The following UBR4 variants were observed in gnomAD, a reference collection of about 807,000 sequenced individuals.
UBR4 encodes the protein E3 ubiquitin-protein ligase UBR4.
A neutral mutation model predicts 575.6 loss-of-function variants in UBR4; 124 were observed. The ratio of observed to expected loss-of-function variants is 0.22; its 90% CI spans 0.19 to 0.25. The LOEUF (loss-of-function observed/expected upper bound fraction) is 0.25. Ranked by LOEUF, UBR4 falls within the 10% of genes least tolerant of loss-of-function variation. The pLI is 1.00. For synonymous variants in UBR4, 2,455 were observed against 2,473.7 expected (o/e 0.99, Z 0.22); for missense variants, 4,818 against 6,478.8 (o/e 0.74, Z 8.80).
intron 101 of UBR4, among the ~76,000 whole-genome samples, chr1:19,085,648 CACAAGGCATCA>C: frequency 6.6e-6 from 1 of 152,278 alleles, no homozygotes; most frequent in African/African-American, 2.4e-5. Context: ...GGCACCACTC[CACAAGGCATCA>C]GCAAGACATG....
At chr1:19,098,704 G>GC (rs1185022232) in intron 90 of UBR4, among the ~76,000 whole-genome samples, 2 of 152,202 alleles carry the variant, frequency 1.3e-5, no homozygotes, top group East Asian at 3.9e-4. Context: ...CCCAGTGGGA[G>GC]AAAAGAAAGG....
rs2089835867 is a variant in UBR4 at position 19,173,300 on chromosome 1, G to C, written c.3172C>G (p.Leu1058Val). Reference protein sequence around the residue: ...SSYVNWIKDHLIKQGMKAEHA... With the variant: ...SSYVNWIKDHVIKQGMKAEHA... ...TCAGCCTTCATTCCCTGTTTGATAA[G>C]GTGATCCTATTTGGACAGCAAGAAA... The change falls in exon 24 of 106, where the codon CTT (leucine) becomes GTT (valine). Residue 1058 changes from leucine to valine, a missense_variant. This residue lies in a region of UBR4 where 1,172 missense variants were observed against 1,259.7 expected (regional missense o/e 0.93). Coordinates refer to ENST00000375254, the MANE Select transcript of UBR4 (RefSeq NM_020765.3). 6.2e-7 allele frequency: 1 copy of C among 1,614,124 alleles called. No individual in the cohort carries two copies. Among genetic ancestry groups the C allele is most frequent in the Non-Finnish European group, 8.5e-7 (1 of 1,180,016 alleles).
At position 19,164,281 on chromosome 1, in the gene UBR4, T is replaced by G. The variant is rs143656817; in HGVS notation, c.4672A>C (p.Asn1558His). 8.8e-5 allele frequency: 142 copies of G among 1,613,930 alleles called. No homozygotes were observed. The highest frequency in any genetic ancestry group is 1.1e-4 in the Non-Finnish European group (134 of 1,179,920). The change falls in exon 33 of 106, where the codon AAT becomes CAT. Residue 1558 changes from asparagine to histidine, a missense_variant. Asn to His is a moderately conservative substitution (Grantham distance 68). This residue lies in a region of UBR4 where 1,172 missense variants were observed against 1,259.7 expected (regional missense o/e 0.93). Coordinates refer to ENST00000375254, the MANE Select transcript of UBR4 (RefSeq NM_020765.3). Reference protein sequence around the residue: ...GQGAGHLQLHNAAVDWLSRCK... With the variant: ...GQGAGHLQLHHAAVDWLSRCK... ...CTGCTCAGCCAATCCACAGCAGCAT[T>G]ATGAAGCTGAAGGTGACCAGCACCT...
chr1:19,147,534 T>C (rs1444297937), intron 51 of UBR4, among the ~76,000 whole-genome samples: 2 of 152,208 alleles, frequency 1.3e-5, no homozygotes, highest in Non-Finnish European at 2.9e-5. Flanking sequence ...GCCTTTCTTT[T>C]ATAAGTGATA....
intron 29 of UBR4, among the ~76,000 whole-genome samples, chr1:19,166,159 A>T (rs1239163431): frequency 6.6e-6 from 1 of 152,242 alleles, no homozygotes; most frequent in Non-Finnish European, 1.5e-5. Context: ...GAAAACCTGG[A>T]CTACTCAACA....
Position 19,207,494 on chromosome 1 carries a change from T to C in UBR4, c.176+2579A>G, listed in dbSNP as rs528749026. 2.6e-5 allele frequency among the ~76,000 whole-genome samples: 4 copies of C among 152,302 alleles called. No homozygotes were observed. In the East Asian group the frequency reaches 7.7e-4, roughly 29 times the overall value. ...AAATACAAAAATTAGCCGGGTCTGGTGGCGCACATCTATAATCCCAGCTAC... is the reference window on the plus strand; with the variant it reads ...AAATACAAAAATTAGCCGGGTCTGGCGGCGCACATCTATAATCCCAGCTAC... On this transcript the variant is annotated intron_variant, in intron 1 of 105. Transcript: ENST00000375254.
At chr1:19,136,359 CA>C (rs2083199586) in intron 60 of UBR4, among the ~76,000 whole-genome samples, 1 of 152,074 alleles carries the variant, frequency 6.6e-6, no homozygotes, top group African/African-American at 2.4e-5. Context: ...TTAAAACACA[CA>C]AAGGAGTAAA....
At chr1:19,207,093 T>A (rs947229088) in intron 1 of UBR4, among the ~76,000 whole-genome samples, 4 of 151,494 alleles carry the variant, frequency 2.6e-5, no homozygotes, top group Non-Finnish European at 4.4e-5. Context: ...AAACAGATGG[T>A]CCCCGGTGAC....
At chr1:19,207,864 C>T (rs775737333) in intron 1 of UBR4, among the ~76,000 whole-genome samples, 1 of 152,064 alleles carries the variant, frequency 6.6e-6, no homozygotes. Flanking sequence ...ATTTTAAACA[C>T]AGCCATGCCC....
chr1:19,173,119 A>G, intron 24 of UBR4, 26 bp from the exon 25 acceptor site: 7 of 1,613,684 alleles, frequency 4.3e-6, no homozygotes, highest in Non-Finnish European at 5.9e-6. Context: ...AAATATAATT[A>G]GCTGTGGCAA....
chr1:19,129,669 G>A (rs1010960793), intron 60 of UBR4, among the ~76,000 whole-genome samples: 1 of 152,244 alleles, frequency 6.6e-6, no homozygotes, highest in South Asian at 2.1e-4. Context: ...ATAATCAACT[G>A]GCCATTACCT....
chr1:19,131,243 TAAAAAA>T lies in UBR4; in HGVS notation c.8907-2175_8907-2170del, dbSNP rs869155620. 8.7e-5 allele frequency among the ~76,000 whole-genome samples: 9 copies of T among 102,978 alleles called. No individual in the cohort carries two copies. The East Asian group carries it at 9.5e-4, about 11-fold the overall frequency. The allele number at this position is 102,978 out of a possible 152,430, so 67.6% of individuals were successfully genotyped here. ...ACTCTTACACAGTACTCTTGAAACTTAAAAAAAAAAAAAAAAAAAAAAAAAATAAAC... is the reference window on the plus strand; with the variant it reads ...ACTCTTACACAGTACTCTTGAAACTTAAAAAAAAAAAAAAAAAAAATAAAC... On this transcript the variant is annotated intron_variant, in intron 60 of 105. Coordinates refer to ENST00000375254, the MANE Select transcript of UBR4 (RefSeq NM_020765.3).
chr1:19,170,175 C>T (rs757474615), intron 26 of UBR4, among the ~76,000 whole-genome samples: 11 of 152,164 alleles, frequency 7.2e-5, no homozygotes, highest in Non-Finnish European at 1.5e-4. Context: ...GCTAATCTTC[C>T]TGTCCCCTAT....
In UBR4 at chr1:19,139,253, A is replaced by AAAACAAACAAAC; in HGVS notation, c.8594-45_8594-34dup. 1 of 1,551,074 alleles carries AAAACAAACAAAC rather than the reference A, an allele frequency of 6.4e-7. No individual in the cohort carries two copies. The highest frequency in any genetic ancestry group is 8.7e-7 in the Non-Finnish European group (1 of 1,148,582). ...AGTAACGAGAGCTGTTACAGGTTAA[A>AAAACAAACAAAC]AAACAAACAAACAAACAAACAAACA... On this transcript the variant is annotated intron_variant, in intron 58 of 105. Coordinates refer to ENST00000375254, the MANE Select transcript of UBR4 (RefSeq NM_020765.3). This position sits in a 1 kb window ranked among gnomAD's most constrained non-coding sequence, Gnocchi z 4.2.
At position 19,077,877 on chromosome 1, in the gene UBR4, G is replaced by T. The variant is rs1286322009; in HGVS notation, c.15324+99C>A. The T allele has an allele frequency of 2.5e-6, 4 of 1,601,574 alleles. No homozygotes were observed. In the East Asian group the frequency reaches 9.0e-5, roughly 36 times the overall value. ...GAAAAAAGCGCCCCCAGGCCCAGCG[G>T]AGGAGCAGCCATGTGGGTGCTGAGG... On this transcript the variant is annotated intron_variant, in intron 104 of 105. Transcript: ENST00000375254.
At chr1:19,188,558 A>C (rs1398345044) in intron 11 of UBR4, among the ~76,000 whole-genome samples, 1 of 152,278 alleles carries the variant, frequency 6.6e-6, no homozygotes. Flanking sequence ...TGTTTAAAAC[A>C]AAAGAGAGAA....
rs371657163 is a variant in UBR4, at chr1:19,111,213, A to G, written c.11802-381T>C. 2.6e-5 allele frequency among the ~76,000 whole-genome samples: 4 copies of G among 152,278 alleles called. No homozygotes were observed. The South Asian group carries it at 6.2e-4, about 24-fold the overall frequency. ...CATCTGCCTGCATTTCATTTTCCAC[A>G]AGGCCCTCATATTCCAGTTTACGTC... On this transcript the variant is annotated intron_variant, in intron 78 of 105. Coordinates refer to ENST00000375254, the MANE Select transcript of UBR4 (RefSeq NM_020765.3).
At chr1:19,160,771 C>G in intron 38 of UBR4, 146 bp downstream of exon 38, 3 of 776,204 alleles carry the variant, frequency 3.9e-6, no homozygotes, top group Non-Finnish European at 6.3e-6. Context: ...CTCGTGACGA[C>G]AATACATAGT....
rs747559600 is a variant in UBR4, at chr1:19,170,871, C to T, written c.3534G>A (p.Leu1178=). 3.1e-6 allele frequency: 5 copies of T among 1,614,010 alleles called. No homozygotes were observed. Among genetic ancestry groups the T allele is most frequent in the Admixed American group, 3.3e-5 (2 of 60,004 alleles). Residue 1178 remains leucine (L), a synonymous_variant, in exon 26 of 106, where the codon CTG becomes CTA. Transcript: ENST00000375254. ...TYASFTRAYL[L]QNFNEEGTTE... ...TTGTTCCCTCTTCATTAAAGTTTTG[C>T]AGCAAATAGGCTCTGGGGAAAAAAC... is the stretch of plus-strand genomic sequence containing the variant.
Sources: allele counts gnomAD v4.1 joint callset (sites outside exome capture counted in the v4.1 genomes callset), GRCh38; gene constraint gnomAD v4.1.1; regional missense constraint gnomAD v4.1.1; non-coding constraint Gnocchi (gnomAD v3.1); transcripts MANE v1.5; gene names NCBI Gene and HGNC (gene_info 2026-07-23, HGNC 2026-07-21).